DNER: variants seen among roughly 807,000 people sequenced by gnomAD.
DNER encodes delta/notch like EGF repeat containing.
A neutral mutation model predicts 78.2 loss-of-function variants in DNER; 33 were observed. The observed-to-expected ratio is 0.42, with a 90% CI of 0.32 to 0.56. The LOEUF (loss-of-function observed/expected upper bound fraction) is 0.56, where lower values mean the gene tolerates loss of function less well. Ranked by LOEUF, DNER falls within the 20% of genes least tolerant of loss-of-function variation. DNER has a pLI of 0.11. For missense variants in DNER, 918 were observed against 975.3 expected (o/e 0.94, Z 0.78); for synonymous variants, 417 against 384.8 (o/e 1.08, Z -0.98).
chr2:229,608,103 C>T (rs537463435), intron 1 of DNER, among the ~76,000 whole-genome samples: 4 of 151,520 alleles, frequency 2.6e-5, no homozygotes, highest in Non-Finnish European at 5.9e-5. Flanking sequence ...AATTGCTGAC[C>T]CCTGGGACTG....
At chr2:229,650,968 A>G (rs1429079001) in intron 1 of DNER, among the ~76,000 whole-genome samples, 1 of 152,112 alleles carries the variant, frequency 6.6e-6, no homozygotes, top group Non-Finnish European at 1.5e-5. Flanking sequence ...TTTGCCCTTT[A>G]TCTGGGATGA....
chr2:229,374,238 T>A (rs1001478787), intron 11 of DNER, among the ~76,000 whole-genome samples: 1 of 147,640 alleles, frequency 6.8e-6, no homozygotes, highest in Admixed American at 6.8e-5. Flanking sequence ...TAGGGACTAC[T>A]AGGGAGTAAG....
chr2:229,494,525 T>A (rs1183196131), intron 6 of DNER, among the ~76,000 whole-genome samples: 1 of 152,214 alleles, frequency 6.6e-6, no homozygotes, highest in South Asian at 2.1e-4. Context: ...CTCTTTGGTA[T>A]GATGCTGTGC....
chr2:229,491,391 C>G (rs1426609513), intron 6 of DNER, among the ~76,000 whole-genome samples: 2 of 152,174 alleles, frequency 1.3e-5, no homozygotes, highest in Non-Finnish European at 2.9e-5. Flanking sequence ...GTACTAATCC[C>G]ATTCATCAGG....
At chr2:229,641,621 C>A (rs924906470) in intron 1 of DNER, among the ~76,000 whole-genome samples, 2 of 149,650 alleles carry the variant, frequency 1.3e-5, no homozygotes, top group African/African-American at 4.9e-5. Flanking sequence ...AAGTAGAGAA[C>A]TACAATGTTG....
intron 1 of DNER, among the ~76,000 whole-genome samples, chr2:229,688,533 G>A (rs781581982): frequency 6.6e-6 from 1 of 152,188 alleles, no homozygotes; most frequent in Non-Finnish European, 1.5e-5. Context: ...GGAAGATGCC[G>A]CTAGATAATG....
intron 12 of DNER, among the ~76,000 whole-genome samples, chr2:229,360,602 C>T (rs998498926): frequency 7.2e-5 from 11 of 152,106 alleles, no homozygotes; most frequent in African/African-American, 2.6e-4. Flanking sequence ...TTAGTAGAGA[C>T]GGGGTTTCAC....
chr2:229,620,959 G>A (rs1698242357), intron 1 of DNER, among the ~76,000 whole-genome samples: 1 of 152,180 alleles, frequency 6.6e-6, no homozygotes, highest in African/African-American at 2.4e-5. Flanking sequence ...CAAACCTGCT[G>A]ACACCTAATC....
intron 8 of DNER, among the ~76,000 whole-genome samples, chr2:229,442,066 G>A (rs183181046): frequency 2.0e-5 from 3 of 152,292 alleles, no homozygotes; most frequent in Admixed American, 2.0e-4. Context: ...GGTCCCAATG[G>A]TGAGGTGGGC....
At chr2:229,488,710 G>T (rs1695331748) in intron 6 of DNER, among the ~76,000 whole-genome samples, 1 of 152,208 alleles carries the variant, frequency 6.6e-6, no homozygotes, top group Non-Finnish European at 1.5e-5. Context: ...ACCAAGGCCA[G>T]CCCTGAGGCC....
chr2:229,414,265 C>T (rs1404866212), intron 9 of DNER, among the ~76,000 whole-genome samples: 1 of 152,144 alleles, frequency 6.6e-6, no homozygotes, highest in African/African-American at 2.4e-5. Flanking sequence ...TATAAATATA[C>T]TAAAATTAAA....
At chr2:229,376,989 A>AGAC (rs1229012431) in intron 11 of DNER, among the ~76,000 whole-genome samples, 1 of 152,188 alleles carries the variant, frequency 6.6e-6, no homozygotes, top group East Asian at 1.9e-4. Flanking sequence ...AAGAGGCCCA[A>AGAC]GACATCCATC....
chr2:229,392,073 T>C (rs1693027477), intron 10 of DNER, among the ~76,000 whole-genome samples: 1 of 152,114 alleles, frequency 6.6e-6, no homozygotes, highest in Non-Finnish European at 1.5e-5. Flanking sequence ...AATCATAATA[T>C]CTAGTATTAA....
intron 1 of DNER, among the ~76,000 whole-genome samples, chr2:229,599,972 T>G (rs1482506065): frequency 6.6e-6 from 1 of 152,166 alleles, no homozygotes; most frequent in Non-Finnish European, 1.5e-5. Flanking sequence ...GAATGGACCA[T>G]TGTTTTAGTG....
chr2:229,552,043 C>A (rs537315086), intron 4 of DNER, among the ~76,000 whole-genome samples: 1 of 152,076 alleles, frequency 6.6e-6, no homozygotes, highest in Non-Finnish European at 1.5e-5. Flanking sequence ...AATACATATA[C>A]GTAATTTAAA....
At chr2:229,423,614 C>CAAAAAAAAAA (rs3085435) in intron 8 of DNER, among the ~76,000 whole-genome samples, 2 of 82,176 alleles carry the variant, frequency 2.4e-5, no homozygotes, top group Non-Finnish European at 2.9e-5. Flanking sequence ...GACTACATCT[C>CAAAAAAAAAA]AAAAAAAAAA....
intron 8 of DNER, among the ~76,000 whole-genome samples, chr2:229,439,502 T>C (rs1694190724): frequency 6.6e-6 from 1 of 152,188 alleles, no homozygotes; most frequent in African/African-American, 2.4e-5. Flanking sequence ...GCAAAGCTGG[T>C]ACTTAAATTC....
At chr2:229,556,136 G>C (rs779653580) in intron 4 of DNER, among the ~76,000 whole-genome samples, 10 of 152,156 alleles carry the variant, frequency 6.6e-5, no homozygotes, top group Non-Finnish European at 1.0e-4. Context: ...TGAATGTGTA[G>C]TTAAAAATAT....
intron 4 of DNER, among the ~76,000 whole-genome samples, chr2:229,572,686 G>A (rs1697236860): frequency 6.6e-6 from 1 of 152,152 alleles, no homozygotes. Flanking sequence ...AAGAAAGCAG[G>A]TGCCAAACAC....
Sources: allele counts gnomAD v4.1 joint callset (sites outside exome capture counted in the v4.1 genomes callset), GRCh38; gene constraint gnomAD v4.1.1; transcripts MANE v1.5; gene names NCBI Gene and HGNC (gene_info 2026-07-23, HGNC 2026-07-21).